GPM6A: variants seen among roughly 807,000 people sequenced by gnomAD.
The protein encoded by GPM6A is glycoprotein M6A, also known as neuronal membrane glycoprotein M6-a.
In GPM6A, 7 loss-of-function variants were observed where a neutral mutation model predicts 32.1. The ratio of observed to expected loss-of-function variants is 0.22; its 90% CI spans 0.12 to 0.41. The LOEUF (loss-of-function observed/expected upper bound fraction) is 0.41. GPM6A is among the 10% of genes least tolerant of loss of function. The pLI is 1.00. For missense variants in GPM6A, 235 were observed against 347.2 expected (o/e 0.68, Z 2.57); for synonymous variants, 130 against 123.4 (o/e 1.05, Z -0.35).
chr4:175,740,619 G>A (rs2111164865), intron 1 of GPM6A, among the ~76,000 whole-genome samples: 1 of 152,068 alleles, frequency 6.6e-6, no homozygotes, highest in Non-Finnish European at 1.5e-5. Flanking sequence ...TTGGAGGTAG[G>A]TAAAATTTGC....
chr4:175,784,549 A>G (rs1733726265), intron 1 of GPM6A, among the ~76,000 whole-genome samples: 1 of 152,180 alleles, frequency 6.6e-6, no homozygotes, highest in South Asian at 2.1e-4. Flanking sequence ...TATCTTTGCA[A>G]TGCTTTTGTA....
At chr4:175,670,715 A>T (rs1023784171) in intron 3 of GPM6A, among the ~76,000 whole-genome samples, 22 of 152,194 alleles carry the variant, frequency 1.4e-4, no homozygotes, top group African/African-American at 5.3e-4. Flanking sequence ...GACAGATAGC[A>T]TTAAAATATT....
chr4:175,987,319 A>G (rs187316710), intron 1 of GPM6A, among the ~76,000 whole-genome samples: 3 of 152,280 alleles, frequency 2.0e-5, no homozygotes, highest in Admixed American at 2.0e-4. Context: ...GCTTCTTCCT[A>G]ACAATATCCA....
Position 175,634,562 on chromosome 4 carries a change from A to G in GPM6A, c.*343T>C, listed in dbSNP as rs1336495834. ...TTTTCAAAACATAAGAAATAATGCA[A>G]AAGGTGTTATGTATAACACATGGGA... On this transcript the variant is annotated 3_prime_UTR_variant, in exon 7 of 7. Transcript: ENST00000393658. 5.5e-6 allele frequency: 1 copy of G among 182,428 alleles called. No individual in the cohort carries two copies. The highest frequency in any genetic ancestry group is 2.4e-3 in the Middle Eastern group (1 of 410). The allele number at this position is 182,428 out of a possible 1,614,324, so 11.3% of individuals were successfully genotyped here. A position where few individuals can be genotyped will look rare whatever the true frequency, so the allele number is the denominator to read the frequency against.
chr4:175,910,541 G>A (rs967999364), intron 1 of GPM6A, among the ~76,000 whole-genome samples: 8 of 151,994 alleles, frequency 5.3e-5, no homozygotes, highest in Non-Finnish European at 1.0e-4. Flanking sequence ...ATGATGAGCT[G>A]GTGTTATAAC....
intron 1 of GPM6A, among the ~76,000 whole-genome samples, chr4:175,948,505 G>A (rs560874064): frequency 1.3e-5 from 2 of 152,254 alleles, no homozygotes; most frequent in African/African-American, 4.8e-5. Context: ...ACAGTCTATT[G>A]TATTGTGTTA....
At chr4:175,696,450 T>C (rs188403134) in intron 2 of GPM6A, among the ~76,000 whole-genome samples, 2 of 152,312 alleles carry the variant, frequency 1.3e-5, no homozygotes, top group East Asian at 3.9e-4. Flanking sequence ...TATTGGTGTT[T>C]TGAGGTTTTT....
intron 1 of GPM6A, among the ~76,000 whole-genome samples, chr4:175,844,906 G>A (rs1002725981): frequency 5.3e-5 from 8 of 152,108 alleles, no homozygotes; most frequent in Non-Finnish European, 1.2e-4. Flanking sequence ...GAGGGATGAA[G>A]AGGGGCGTAG....
chr4:175,981,287 ACT>A (rs1281920263), intron 1 of GPM6A, among the ~76,000 whole-genome samples: 1 of 152,136 alleles, frequency 6.6e-6, no homozygotes, highest in Non-Finnish European at 1.5e-5. Context: ...TGCACAGAAA[ACT>A]CATCCTTTTT....
At chr4:175,676,048 G>A (rs1743348750) in intron 2 of GPM6A, among the ~76,000 whole-genome samples, 1 of 152,022 alleles carries the variant, frequency 6.6e-6, no homozygotes, top group South Asian at 2.1e-4. Flanking sequence ...TAGTGAGTGA[G>A]TTCTCGTGAG....
intron 1 of GPM6A, among the ~76,000 whole-genome samples, chr4:175,821,406 C>T (rs1354180307): frequency 6.6e-6 from 1 of 152,020 alleles, no homozygotes; most frequent in Non-Finnish European, 1.5e-5. Flanking sequence ...AAATGTCTAA[C>T]ATATATATTT....
In GPM6A at chr4:175,633,800, T is replaced by C. The variant is rs1236884161; in HGVS notation, c.*1105A>G. 7 of 152,464 alleles carry C rather than the reference T, an allele frequency of 4.6e-5. No homozygotes were observed. The highest frequency in any genetic ancestry group is 3.9e-4 in the East Asian group (2 of 5,192). The allele number at this position is 152,464 out of a possible 1,614,324, so 9.4% of individuals were successfully genotyped here. ...CTACACTTTCAAACAATACATTCTATAGGGGCCTCTGACCACACTTTATAA... is the reference window on the plus strand; with the variant it reads ...CTACACTTTCAAACAATACATTCTACAGGGGCCTCTGACCACACTTTATAA... On this transcript the variant is annotated 3_prime_UTR_variant, in exon 7 of 7. Coordinates refer to ENST00000393658, the MANE Select transcript of GPM6A (RefSeq NM_201591.3).
intron 3 of GPM6A, among the ~76,000 whole-genome samples, chr4:175,671,315 A>C (rs182322838): frequency 1.2e-3 from 181 of 151,656 alleles, no homozygotes; most frequent in African/African-American, 4.3e-3. Context: ...AAAAAAAAAA[A>C]TCCACCCTTT....
At chr4:175,865,552 A>G (rs1736708144) in intron 1 of GPM6A, among the ~76,000 whole-genome samples, 1 of 152,162 alleles carries the variant, frequency 6.6e-6, no homozygotes, top group African/African-American at 2.4e-5. Flanking sequence ...GAGTTTTCCA[A>G]TCCATGAACA....
At chr4:175,786,838 G>A (rs577761533) in intron 1 of GPM6A, 1 of 154,180 alleles carries the variant, frequency 6.5e-6, no homozygotes, top group Admixed American at 6.5e-5. Flanking sequence ...TCCAACAGAA[G>A]TGTAAAACCG....
At chr4:175,840,950 A>G (rs1198398741) in intron 1 of GPM6A, among the ~76,000 whole-genome samples, 2 of 152,212 alleles carry the variant, frequency 1.3e-5, no homozygotes, top group African/African-American at 2.4e-5. Flanking sequence ...ATAGTAACAC[A>G]TGTAATTGTC....
At chr4:175,759,963 T>C (rs1236878868) in intron 1 of GPM6A, among the ~76,000 whole-genome samples, 1 of 152,104 alleles carries the variant, frequency 6.6e-6, no homozygotes, top group Non-Finnish European at 1.5e-5. Context: ...GCAGATCACC[T>C]GAGGTCAGGA....
intron 1 of GPM6A, among the ~76,000 whole-genome samples, chr4:175,829,670 T>C (rs553863964): frequency 4.1e-5 from 6 of 147,170 alleles, no homozygotes; most frequent in Admixed American, 6.9e-5. Context: ...TATATACATA[T>C]AAAACATATA....
At chr4:175,881,483 C>T (rs1177779862) in intron 1 of GPM6A, among the ~76,000 whole-genome samples, 1 of 152,164 alleles carries the variant, frequency 6.6e-6, no homozygotes, top group Non-Finnish European at 1.5e-5. Context: ...ACCCAGCCAT[C>T]CCATTACTGG....
Sources: gnomAD v4.1 joint callset for allele counts (sites outside exome capture counted in the v4.1 genomes callset) on GRCh38, gnomAD v4.1.1 for gene constraint, MANE v1.5 for transcripts, NCBI Gene and HGNC (gene_info 2026-07-23, HGNC 2026-07-21) for gene names.